RAB11FIP1: variants seen among roughly 807,000 people sequenced by gnomAD.
The protein encoded by RAB11FIP1 is RAB11 family interacting protein 1.
In RAB11FIP1, 49 loss-of-function variants were observed where a neutral mutation model predicts 83.1. The ratio of observed to expected loss-of-function variants is 0.59; its 90% CI spans 0.47 to 0.75. The LOEUF (loss-of-function observed/expected upper bound fraction) is 0.75, where lower values mean the gene tolerates loss of function less well. Ranked by LOEUF, RAB11FIP1 falls within the 30% of genes least tolerant of loss-of-function variation. The pLI, the probability that RAB11FIP1 is intolerant of heterozygous loss-of-function variation, is 0.00. For missense variants in RAB11FIP1, 1,536 were observed against 1,598.7 expected, an observed-to-expected ratio of 0.96 and a Z score of 0.67; for synonymous variants, 670 against 656.0, an observed-to-expected ratio of 1.02 and a Z score of -0.33.
intron 1 of RAB11FIP1, among the ~76,000 whole-genome samples, chr8:37,885,209 G>A (rs567456728): frequency 1.0e-3 from 158 of 152,084 alleles, no homozygotes; most frequent in Middle Eastern, 6.8e-3. Context: ...TGGCCAGGCC[G>A]GTCTCGAACT....
At chr8:37,892,164 T>G (rs887748251) in intron 1 of RAB11FIP1, among the ~76,000 whole-genome samples, 1 of 152,168 alleles carries the variant, frequency 6.6e-6, no homozygotes. Context: ...CCTCTCACCC[T>G]ACCATATCCA....
chr8:37,895,318 C>T (rs1807062942), intron 1 of RAB11FIP1, among the ~76,000 whole-genome samples: 1 of 103,012 alleles, frequency 9.7e-6, no homozygotes, highest in Non-Finnish European at 1.8e-5. Flanking sequence ...CTCACGTTAC[C>T]CGGGCTGGTC....
intron 5 of RAB11FIP1, among the ~76,000 whole-genome samples, chr8:37,869,611 CT>C (rs1342537738): frequency 1.3e-5 from 2 of 151,950 alleles, no homozygotes; most frequent in African/African-American, 4.8e-5. Flanking sequence ...AAAAAGTTCC[CT>C]GATTTTAATA....
Position 37,865,039 on chromosome 8 carries a change from G to A in RAB11FIP1, c.3634-1926C>T, listed in dbSNP as rs1430053892. Reference sequence around the variant, plus strand: ...CCACCTTGGCCTCCCAAAATGCTGCGACTACAGGCATGAGCCACCACACCC... The same window carrying A: ...CCACCTTGGCCTCCCAAAATGCTGCAACTACAGGCATGAGCCACCACACCC... On this transcript the variant is annotated intron_variant, in intron 5 of 5. Coordinates refer to ENST00000330843, the MANE Select transcript of RAB11FIP1 (RefSeq NM_001002814.3). Among the ~76,000 whole-genome samples, 4 of 151,138 alleles carry A rather than the reference G, an allele frequency of 2.6e-5. No homozygotes were observed. In the East Asian group the frequency reaches 7.8e-4, roughly 29 times the overall value.
intron 1 of RAB11FIP1, among the ~76,000 whole-genome samples, chr8:37,892,095 G>C (rs1310879873): frequency 6.6e-6 from 1 of 152,126 alleles, no homozygotes; most frequent in Non-Finnish European, 1.5e-5. Flanking sequence ...CCACTTCCTG[G>C]TTCACTTTCA....
At chr8:37,876,282 C>T (rs1339002422) in intron 2 of RAB11FIP1, among the ~76,000 whole-genome samples, 1 of 149,338 alleles carries the variant, frequency 6.7e-6, no homozygotes, top group African/African-American at 2.5e-5. Context: ...GGAAAGAAAC[C>T]AGAGGGCTTA....
At chr8:37,898,922 T>G in intron 1 of RAB11FIP1, 149 bp downstream of exon 1, 1 of 804,958 alleles carries the variant, frequency 1.2e-6, no homozygotes, top group Non-Finnish European at 1.8e-6. Flanking sequence ...GGAAGCCAGG[T>G]GAGAACACCA....
At chr8:37,880,329 C>T (rs1462619632) in intron 1 of RAB11FIP1, among the ~76,000 whole-genome samples, 3 of 152,090 alleles carry the variant, frequency 2.0e-5, no homozygotes, top group Non-Finnish European at 2.9e-5. Flanking sequence ...GACAGAGTCT[C>T]GCTCTGTCCC....
chr8:37,867,383 C>A (rs1484991152), intron 5 of RAB11FIP1, among the ~76,000 whole-genome samples: 1 of 152,170 alleles, frequency 6.6e-6, no homozygotes, highest in Non-Finnish European at 1.5e-5. Flanking sequence ...CCAATGCTTA[C>A]CACCTGCCCT....
Position 37,862,865 on chromosome 8 carries a change from G to T in RAB11FIP1, c.*30C>A. On this transcript the variant is annotated 3_prime_UTR_variant, in exon 6 of 6. Transcript: ENST00000330843. ...TGGAGCAGGTGAAAGTGAAGTCACA[G>T]AAACGTCTCGGTGTTTTTTTTCTGC... 6.3e-7 allele frequency: 1 copy of T among 1,577,980 alleles called. No individual in the cohort carries two copies. Among genetic ancestry groups the T allele is most frequent in the Non-Finnish European group, 8.7e-7 (1 of 1,152,782 alleles).
intron 1 of RAB11FIP1, among the ~76,000 whole-genome samples, chr8:37,890,212 G>A (rs924451864): frequency 8.5e-5 from 13 of 152,168 alleles, no homozygotes; most frequent in African/African-American, 3.1e-4. Flanking sequence ...GGCCCCAGTC[G>A]ACTGCTACTG....
At chr8:37,892,031 T>C (rs1253226388) in intron 1 of RAB11FIP1, among the ~76,000 whole-genome samples, 2 of 152,222 alleles carry the variant, frequency 1.3e-5, no homozygotes, top group Non-Finnish European at 2.9e-5. Flanking sequence ...GCTGTCTTTG[T>C]AATGGTGACC....
chr8:37,889,032 C>T (rs887131393), intron 1 of RAB11FIP1, among the ~76,000 whole-genome samples: 1 of 151,808 alleles, frequency 6.6e-6, no homozygotes, highest in South Asian at 2.1e-4. Flanking sequence ...CTCCTGACCT[C>T]GTGATCTGCC....
chr8:37,871,438 T>C lies in RAB11FIP1; in HGVS notation c.3364A>G (p.Ser1122Gly). 2 of 1,614,122 alleles carry C rather than the reference T, an allele frequency of 1.2e-6. No homozygotes were observed. Among genetic ancestry groups the C allele is most frequent in the African/African-American group, 1.3e-5 (1 of 75,022 alleles). Residue 1122 changes from serine (S) to glycine (G), a missense_variant, in exon 4 of 6, where the codon AGC becomes GGC. Coordinates refer to ENST00000330843, the MANE Select transcript of RAB11FIP1 (RefSeq NM_001002814.3). ...GCTTTTTTTTGAGATTCTGCTGTGC[T>C]GGTGTGGTGAGTGTCAGAATGTGCA... ...SSAHSDTHHT[S>G]TAESQKKATA...
chr8:37,895,070 G>GT (rs78986423), intron 1 of RAB11FIP1, among the ~76,000 whole-genome samples: 128 of 131,982 alleles, frequency 9.7e-4, no homozygotes, highest in Admixed American at 1.7e-3. Context: ...ATATATATAT[G>GT]TTTTTTTTTT....
chr8:37,872,411 G>T lies in RAB11FIP1; in HGVS notation c.2391C>A (p.Asn797Lys). ...TGGTTTTCTTCTGGTCCTTGCGGAG[G>T]TTCAGACCCATCTCTTCCAGCTTCC... ...MMRKLEEMGL[N>K]LRKDQKKTKK... Residue 797 changes from asparagine to lysine, a missense_variant, in exon 4 of 6, where the codon AAC (asparagine) becomes AAA (lysine). By Grantham distance (94) the Asn-to-Lys change is moderately conservative. Transcript: ENST00000330843. 6.2e-7 allele frequency: 1 copy of T among 1,614,158 alleles called. No individual in the cohort carries two copies. Among genetic ancestry groups the T allele is most frequent in the Non-Finnish European group, 8.5e-7 (1 of 1,180,020 alleles).
intron 5 of RAB11FIP1, among the ~76,000 whole-genome samples, chr8:37,869,175 C>T (rs1806398488): frequency 6.7e-6 from 1 of 149,140 alleles, no homozygotes; most frequent in Non-Finnish European, 1.5e-5. Context: ...CTATGATGAG[C>T]CGTGATCATG....
At chr8:37,879,343 A>C (rs1806689185) in intron 1 of RAB11FIP1, among the ~76,000 whole-genome samples, 1 of 152,170 alleles carries the variant, frequency 6.6e-6, no homozygotes, top group Non-Finnish European at 1.5e-5. Context: ...AAGTGAAATC[A>C]GTCAGTTAGA....
intron 1 of RAB11FIP1, among the ~76,000 whole-genome samples, chr8:37,883,828 G>A (rs1806771035): frequency 6.6e-6 from 1 of 152,028 alleles, no homozygotes; most frequent in African/African-American, 2.4e-5. Flanking sequence ...AGAAATCAGG[G>A]TTGGGTCCAT....
Sources: allele counts gnomAD v4.1 joint callset (sites outside exome capture counted in the v4.1 genomes callset), GRCh38; gene constraint gnomAD v4.1.1; transcripts MANE v1.5; gene names NCBI Gene and HGNC (gene_info 2026-07-23, HGNC 2026-07-21).